The following GPR63 variants were observed in gnomAD, a reference collection of about 807,000 sequenced individuals.
The protein encoded by GPR63 is G protein-coupled receptor 63.
Under a neutral mutation model 23.1 loss-of-function variants are expected in GPR63, and 12 were observed. The ratio of observed to expected loss-of-function variants is 0.52; its 90% CI spans 0.33 to 0.84. The LOEUF (loss-of-function observed/expected upper bound fraction) is 0.84, where lower values mean the gene tolerates loss of function less well. Ranked by LOEUF, GPR63 falls within the 40% of genes least tolerant of loss-of-function variation. The pLI is 0.02. For missense variants in GPR63, 472 were observed against 515.6 expected, an observed-to-expected ratio of 0.92 and a Z score of 0.82; for synonymous variants, 172 against 191.1, an observed-to-expected ratio of 0.90 and a Z score of 0.82.
At chr6:96,818,116 A>G (rs972064885) in intron 1 of GPR63, among the ~76,000 whole-genome samples, 1 of 151,998 alleles carries the variant, frequency 6.6e-6, no homozygotes, top group East Asian at 1.9e-4. Context: ...TAAAATTTCT[A>G]TGGAGCCACA....
At chr6:96,828,400 C>T (rs1774495816) in intron 1 of GPR63, among the ~76,000 whole-genome samples, 1 of 151,950 alleles carries the variant, frequency 6.6e-6, no homozygotes, top group Non-Finnish European at 1.5e-5. Flanking sequence ...GGGATTAGGG[C>T]TTCAGCATAT....
At chr6:96,815,713 T>C (rs1347754171) in intron 1 of GPR63, among the ~76,000 whole-genome samples, 3 of 152,218 alleles carry the variant, frequency 2.0e-5, no homozygotes, top group Admixed American at 6.5e-5. Context: ...ATGTTAAATG[T>C]GTACAAATTT....
intron 1 of GPR63, among the ~76,000 whole-genome samples, chr6:96,816,354 A>G (rs1393798338): frequency 6.6e-6 from 1 of 152,344 alleles, no homozygotes; most frequent in African/African-American, 2.4e-5. Flanking sequence ...ACAGCAATTC[A>G]GGAAGCTATT....
chr6:96,817,487 C>T (rs1774193686), intron 1 of GPR63, among the ~76,000 whole-genome samples: 1 of 152,038 alleles, frequency 6.6e-6, no homozygotes, highest in Admixed American at 6.5e-5. Context: ...CTCTGTTACC[C>T]AGTAATCCCA....
intron 1 of GPR63, among the ~76,000 whole-genome samples, chr6:96,816,052 T>G (rs1315306096): frequency 6.6e-6 from 1 of 152,198 alleles, no homozygotes; most frequent in Non-Finnish European, 1.5e-5. Context: ...AACTAATTAT[T>G]CTGGTCTATT....
intron 1 of GPR63, among the ~76,000 whole-genome samples, chr6:96,807,423 T>A (rs1346869270): frequency 6.6e-6 from 1 of 152,222 alleles, no homozygotes; most frequent in Middle Eastern, 3.2e-3. Context: ...GCCAGCTACT[T>A]GGTGACGAGT....
At chr6:96,836,908 G>C (rs1044773145) in intron 1 of GPR63, among the ~76,000 whole-genome samples, 11 of 151,812 alleles carry the variant, frequency 7.2e-5, no homozygotes, top group African/African-American at 2.7e-4. Flanking sequence ...TTCTCAACCA[G>C]AACAGCCCAG....
intron 1 of GPR63, among the ~76,000 whole-genome samples, chr6:96,827,804 A>ATC (rs1198947005): frequency 6.6e-6 from 1 of 151,918 alleles, no homozygotes; most frequent in Non-Finnish European, 1.5e-5. Context: ...ACAAACAAAA[A>ATC]TCTCTCTCTC....
At chr6:96,811,878 AAAT>A (rs1562118963) in intron 1 of GPR63, among the ~76,000 whole-genome samples, 3 of 130,118 alleles carry the variant, frequency 2.3e-5, no homozygotes, top group Non-Finnish European at 5.0e-5. Context: ...ATAAATAAAT[AAAT>A]AAATAAATAA....
At chr6:96,808,267 G>C (rs1244147029) in intron 1 of GPR63, among the ~76,000 whole-genome samples, 1 of 152,044 alleles carries the variant, frequency 6.6e-6, no homozygotes, top group Non-Finnish European at 1.5e-5. Context: ...ATGACATATG[G>C]AATCTAAATA....
intron 1 of GPR63, among the ~76,000 whole-genome samples, chr6:96,826,059 T>C (rs990624928): frequency 6.6e-6 from 1 of 152,076 alleles, no homozygotes; most frequent in Non-Finnish European, 1.5e-5. Flanking sequence ...AGATGTACCA[T>C]TTCAAATAAG....
intron 1 of GPR63, among the ~76,000 whole-genome samples, chr6:96,823,053 C>A (rs1286072769): frequency 6.6e-6 from 1 of 152,146 alleles, no homozygotes; most frequent in East Asian, 1.9e-4. Flanking sequence ...GTGATGCTGG[C>A]ATAAATGAAC....
chr6:96,834,269 C>A (rs2127963416), intron 1 of GPR63, among the ~76,000 whole-genome samples: 1 of 152,266 alleles, frequency 6.6e-6, no homozygotes, highest in South Asian at 2.1e-4. Flanking sequence ...GCTGCCCACA[C>A]TTCAAATCAT....
intron 1 of GPR63, among the ~76,000 whole-genome samples, chr6:96,813,981 T>C (rs1410980184): frequency 2.6e-5 from 4 of 152,120 alleles, no homozygotes; most frequent in Non-Finnish European, 5.9e-5. Flanking sequence ...ATTTGAAATG[T>C]AGGATATAAA....
At position 96,794,784 on chromosome 6, in the gene GPR63, A is replaced by G. The variant is rs1252180640; in HGVS notation, c.*3688T>C. 5 of 152,156 alleles carry G rather than the reference A, an allele frequency of 3.3e-5. No individual in the cohort carries two copies. The highest frequency in any genetic ancestry group is 2.1e-4 in the South Asian group (1 of 4,828). The allele number at this position is 152,156 out of a possible 1,614,324, so 9.4% of individuals were successfully genotyped here. The stretch of plus-strand genomic sequence containing the variant: ...AGACTGCTGAAAGTCATGACTTTCA[A>G]TTAAGTCACCCATTTTGCTCTACTG... On this transcript the variant is annotated 3_prime_UTR_variant, in exon 2 of 2. Coordinates refer to ENST00000229955, the MANE Select transcript of GPR63 (RefSeq NM_030784.4).
At chr6:96,808,341 C>T (rs1277513018) in intron 1 of GPR63, among the ~76,000 whole-genome samples, 2 of 152,012 alleles carry the variant, frequency 1.3e-5, no homozygotes, top group Non-Finnish European at 2.9e-5. Context: ...AGAATCTTAA[C>T]AGTGCTGAAT....
At chr6:96,837,230 C>T (rs1774756444) in intron 1 of GPR63, 38 bp downstream of exon 1, 1 of 152,310 alleles carries the variant, frequency 6.6e-6, no homozygotes, top group African/African-American at 2.4e-5. Flanking sequence ...TCCCGCGGGC[C>T]GGGGATCGCG....
At position 96,797,579 on chromosome 6, in the gene GPR63, TAAAATGATGCACA is replaced by T. The variant is rs1257188430; in HGVS notation, c.*880_*892del. 6.6e-6 allele frequency: 1 copy of T among 152,168 alleles called. No individual in the cohort carries two copies. The highest frequency in any genetic ancestry group is 6.5e-5 in the Admixed American group (1 of 15,276). The allele number at this position is 152,168 out of a possible 1,614,324, so 9.4% of individuals were successfully genotyped here. A position where few individuals can be genotyped will look rare whatever the true frequency, so the allele number is the denominator to read the frequency against. Reference sequence around the variant, plus strand: ...CCTACCTCACAACATCCTGTAAGGATAAAATGATGCACAGTGCCTGACACATAGGTGTCCATAA... The same window carrying T: ...CCTACCTCACAACATCCTGTAAGGATGTGCCTGACACATAGGTGTCCATAA... On this transcript the variant is annotated 3_prime_UTR_variant, in exon 2 of 2. Coordinates refer to ENST00000229955, the MANE Select transcript of GPR63 (RefSeq NM_030784.4).
intron 1 of GPR63, among the ~76,000 whole-genome samples, chr6:96,829,583 C>T (rs981681801): frequency 6.6e-6 from 1 of 151,876 alleles, no homozygotes; most frequent in Non-Finnish European, 1.5e-5. Flanking sequence ...ACCTGTAGTC[C>T]CAGTTATTCA....
Sources: gnomAD v4.1 joint callset for allele counts (sites outside exome capture counted in the v4.1 genomes callset) on GRCh38, gnomAD v4.1.1 for gene constraint, MANE v1.5 for transcripts, NCBI Gene and HGNC (gene_info 2026-07-23, HGNC 2026-07-21) for gene names.